Variants in CFAP91 observed in about 807,000 individuals in gnomAD.
CFAP91 encodes cilia and flagella associated protein 91.
CFAP91 carries 85 observed loss-of-function variants against 95.9 expected under a neutral mutation model. That is an observed-to-expected ratio of 0.89 (90% CI 0.74 to 1.06). The LOEUF (loss-of-function observed/expected upper bound fraction) is 1.06, where lower values mean the gene tolerates loss of function less well. Among genes scored for constraint, CFAP91 ranks in the 50% least tolerant of loss-of-function variants. CFAP91 has a pLI of 0.00. For synonymous variants in CFAP91, 335 were observed against 327.5 expected (o/e 1.02, Z -0.25); for missense variants, 962 against 943.4 (o/e 1.02, Z -0.26).
chr3:119,731,643 T>TAA, intron 8 of CFAP91, among the ~76,000 whole-genome samples: 1 of 152,316 alleles, frequency 6.6e-6, no homozygotes, highest in African/African-American at 2.4e-5. Context: ...TCTTGCAGCA[T>TAA]GACGTCACGA....
At chr3:119,718,579 G>A (rs2053622836) in intron 6 of CFAP91, among the ~76,000 whole-genome samples, 1 of 151,810 alleles carries the variant, frequency 6.6e-6, no homozygotes, top group African/African-American at 2.4e-5. Context: ...CAAGCAGAAT[G>A]ATTTTTTAAA....
intron 14 of CFAP91, among the ~76,000 whole-genome samples, chr3:119,745,970 A>G (rs2054213064): frequency 1.3e-5 from 2 of 152,366 alleles, no homozygotes; most frequent in East Asian, 1.9e-4. Flanking sequence ...AGCTATATTT[A>G]GACATGAAAC....
At chr3:119,737,307 C>G in intron 10 of CFAP91, 59 bp from the exon 11 acceptor site, 1 of 1,116,220 alleles carries the variant, frequency 9.0e-7, no homozygotes, top group Non-Finnish European at 1.3e-6. Context: ...ACTTTTACCT[C>G]TTAAATTTAT....
chr3:119,714,321 G>T (rs1334268950), intron 5 of CFAP91, among the ~76,000 whole-genome samples: 2 of 148,664 alleles, frequency 1.3e-5, no homozygotes, highest in Non-Finnish European at 3.0e-5. Context: ...AGCCGAGATC[G>T]CGCTACTGCA....
At chr3:119,714,158 C>T (rs2053529281) in intron 5 of CFAP91, among the ~76,000 whole-genome samples, 1 of 151,518 alleles carries the variant, frequency 6.6e-6, no homozygotes, top group African/African-American at 2.4e-5. Context: ...GTCAGGAGAT[C>T]GGGACCATCC....
chr3:119,752,125 C>T (rs189418814), intron 17 of CFAP91, among the ~76,000 whole-genome samples: 8 of 152,312 alleles, frequency 5.3e-5, no homozygotes, highest in African/African-American at 9.6e-5. Flanking sequence ...TCTCCCTCAA[C>T]CCTTTTGTGG....
chr3:119,703,178 C>CTGGG lies in CFAP91; in HGVS notation c.81_84dup (p.Ser29TrpfsTer11). The CTGGG allele has an allele frequency of 1.9e-6, 3 of 1,609,494 alleles. No homozygotes were observed. The highest frequency in any genetic ancestry group is 2.5e-6 in the Non-Finnish European group (3 of 1,177,904). ...ACTCGGTACCGGGAGAGGTCGCGGG[C>CTGGG]TGGGAGCCACATCTCCTCCAATCGA... On this transcript the variant is annotated frameshift_variant, in exon 1 of 18. Transcript: ENST00000273390. LOFTEE classifies it high-confidence loss of function.
intron 10 of CFAP91, among the ~76,000 whole-genome samples, chr3:119,734,464 G>A (rs1246384505): frequency 1.6e-4 from 2 of 12,850 alleles, no homozygotes; most frequent in Non-Finnish European, 3.6e-4. Flanking sequence ...ATTAGGTTAC[G>A]GAAGTTCTCT....
chr3:119,727,862 C>G (rs1441126189), intron 7 of CFAP91, among the ~76,000 whole-genome samples: 1 of 152,106 alleles, frequency 6.6e-6, no homozygotes, highest in Non-Finnish European at 1.5e-5. Flanking sequence ...ATAGTAGTAT[C>G]AGACAATAAT....
At chr3:119,762,169 G>A (rs2054548990) in intron 17 of CFAP91, among the ~76,000 whole-genome samples, 2 of 151,714 alleles carry the variant, frequency 1.3e-5, no homozygotes, top group African/African-American at 2.4e-5. Flanking sequence ...ACAAAAATCA[G>A]TAGCATTTCT....
chr3:119,723,430 T>G (rs2053723540), intron 6 of CFAP91, among the ~76,000 whole-genome samples: 2 of 152,158 alleles, frequency 1.3e-5, no homozygotes, highest in Non-Finnish European at 2.9e-5. Context: ...TGTTGCAACA[T>G]TATGTATGAT....
At chr3:119,719,463 C>G (rs1286278831) in intron 6 of CFAP91, among the ~76,000 whole-genome samples, 2 of 152,192 alleles carry the variant, frequency 1.3e-5, no homozygotes, top group Non-Finnish European at 2.9e-5. Context: ...AAGGATGACA[C>G]TGTAAGCACT....
intron 6 of CFAP91, among the ~76,000 whole-genome samples, chr3:119,724,211 G>A (rs890400189): frequency 1.3e-5 from 2 of 150,570 alleles, no homozygotes; most frequent in Non-Finnish European, 2.9e-5. Flanking sequence ...AAATGCTTAA[G>A]TAATGTTAGG....
At position 119,729,213 on chromosome 3, in the gene CFAP91, C is replaced by T. The variant is rs117382563; in HGVS notation, c.861-1007C>T. 2.7e-3 allele frequency among the ~76,000 whole-genome samples: 416 copies of T among 152,154 alleles called. 20 individuals are homozygous for T. The East Asian group carries it at 0.07, about 26-fold the overall frequency. On this transcript the variant is annotated intron_variant, in intron 7 of 17. Coordinates refer to ENST00000273390, the MANE Select transcript of CFAP91 (RefSeq NM_033364.4). ...AGCCAGGGAATACAAGAAGCATTGC[C>T]GAGGAGAGATCCTTAGCAGCGGGAA...
At position 119,707,315 on chromosome 3, in the gene CFAP91, G is replaced by A. The variant is rs1472209286; in HGVS notation, c.202-89G>A. On this transcript the variant is annotated intron_variant, in intron 2 of 17. Transcript: ENST00000273390. ...TTATGCTGTATACATTGTTTTGTATGTTTTTAAAAAGAGTTTACAATGTAA... is the reference window on the plus strand; with the variant it reads ...TTATGCTGTATACATTGTTTTGTATATTTTTAAAAAGAGTTTACAATGTAA... 4.0e-6 allele frequency: 4 copies of A among 1,010,904 alleles called. No individual in the cohort carries two copies. The African/African-American group carries it at 6.4e-5, about 16-fold the overall frequency. The allele number at this position is 1,010,904 out of a possible 1,614,324, so 62.6% of individuals were successfully genotyped here.
intron 17 of CFAP91, among the ~76,000 whole-genome samples, chr3:119,753,927 T>C (rs895571140): frequency 6.6e-6 from 1 of 152,224 alleles, no homozygotes; most frequent in African/African-American, 2.4e-5. Flanking sequence ...CCTCCAGAAC[T>C]ATGGGAAAAT....
In CFAP91 at chr3:119,726,031, G is replaced by T. The variant is rs1440598765; in HGVS notation, c.683-140G>T. ...CACAAGCTGTGAGGCACATCTAGAG[G>T]CTGTTCCCTAATGTCATGTTATGCT... On this transcript the variant is annotated intron_variant, in intron 6 of 17. Transcript: ENST00000273390. The T allele has an allele frequency of 5.0e-6, 3 of 603,894 alleles. No individual in the cohort carries two copies. The African/African-American group carries it at 5.7e-5, about 11-fold the overall frequency. The allele number at this position is 603,894 out of a possible 1,614,324, so 37.4% of individuals were successfully genotyped here. A position where few individuals can be genotyped will look rare whatever the true frequency, so the allele number is the denominator to read the frequency against.
At chr3:119,717,210 C>T (rs1372692944) in intron 6 of CFAP91, among the ~76,000 whole-genome samples, 1 of 152,184 alleles carries the variant, frequency 6.6e-6, no homozygotes, top group Non-Finnish European at 1.5e-5. Flanking sequence ...CTGGTGCCTG[C>T]CCAATAAAGA....
At chr3:119,707,614 T>C in intron 3 of CFAP91, 53 bp downstream of exon 3, 1 of 1,459,810 alleles carries the variant, frequency 6.9e-7, no homozygotes, top group East Asian at 2.3e-5. Context: ...AAGCATTTCT[T>C]TAAATTCATT....
Sources: allele counts gnomAD v4.1 joint callset (sites outside exome capture counted in the v4.1 genomes callset), GRCh38; gene constraint gnomAD v4.1.1; transcripts MANE v1.5; gene names NCBI Gene and HGNC (gene_info 2026-07-23, HGNC 2026-07-21).